Variants in PCSK6 observed in about 807,000 individuals in gnomAD.
PCSK6 encodes proprotein convertase subtilisin/kexin type 6.
In PCSK6, 85 loss-of-function variants were observed where a neutral mutation model predicts 123.3. The ratio of observed to expected loss-of-function variants is 0.69; its 90% CI spans 0.58 to 0.83. PCSK6 has a LOEUF of 0.83. Among genes scored for constraint, PCSK6 ranks in the 40% least tolerant of loss-of-function variants. PCSK6 has a pLI of 0.00. For missense variants in PCSK6, 1,191 were observed against 1,282.3 expected, an observed-to-expected ratio of 0.93 and a Z score of 1.09; for synonymous variants, 508 against 516.0, an observed-to-expected ratio of 0.98 and a Z score of 0.21.
At chr15:101,397,087 G>C (rs1424130375) in intron 7 of PCSK6, among the ~76,000 whole-genome samples, 2 of 152,112 alleles carry the variant, frequency 1.3e-5, no homozygotes, top group African/African-American at 4.8e-5. Flanking sequence ...ATGCAGTGTA[G>C]GCCTGACGCC....
chr15:101,313,088 G>T, intron 20 of PCSK6: 1 of 1,351,028 alleles, frequency 7.4e-7, no homozygotes, highest in Non-Finnish European at 9.7e-7. Flanking sequence ...GACATGGGCA[G>T]GGACGTCCCG....
At chr15:101,440,420 G>C (rs1361355306) in intron 2 of PCSK6, among the ~76,000 whole-genome samples, 3 of 151,690 alleles carry the variant, frequency 2.0e-5, no homozygotes, top group African/African-American at 7.3e-5. Flanking sequence ...GAGTCCTGCT[G>C]CTGACACCCC....
At chr15:101,480,508 A>T (rs1164320875) in intron 1 of PCSK6, among the ~76,000 whole-genome samples, 1 of 152,230 alleles carries the variant, frequency 6.6e-6, no homozygotes, top group Non-Finnish European at 1.5e-5. Context: ...CATCCCATGG[A>T]GCGTGAGGCT....
intron 13 of PCSK6, among the ~76,000 whole-genome samples, chr15:101,353,714 G>A (rs2040961250): frequency 6.6e-6 from 1 of 152,184 alleles, no homozygotes; most frequent in South Asian, 2.1e-4. Flanking sequence ...ACTGGCCACA[G>A]GGCTAAAGAG....
chr15:101,446,648 G>A (rs1339855936), intron 1 of PCSK6, among the ~76,000 whole-genome samples: 2 of 152,198 alleles, frequency 1.3e-5, no homozygotes, highest in Admixed American at 6.5e-5. Context: ...GAGTTCATAT[G>A]TGAACTCTGA....
intron 9 of PCSK6, among the ~76,000 whole-genome samples, chr15:101,386,591 G>C (rs909666005): frequency 6.6e-6 from 1 of 152,156 alleles, no homozygotes; most frequent in African/African-American, 2.4e-5. Flanking sequence ...AGGTCTTCGT[G>C]TAAGTGGAAC....
chr15:101,325,741 G>A (rs2040238155), intron 16 of PCSK6, among the ~76,000 whole-genome samples: 1 of 152,244 alleles, frequency 6.6e-6, no homozygotes, highest in Admixed American at 6.5e-5. Flanking sequence ...AGCTGGAGCA[G>A]CTCCGTGGAC....
intron 1 of PCSK6, among the ~76,000 whole-genome samples, chr15:101,480,232 C>T (rs147405632): frequency 3.6e-4 from 55 of 152,306 alleles, no homozygotes; most frequent in Non-Finnish European, 5.9e-4. Context: ...GGATGCTGGC[C>T]GGTGGCAGAA....
intron 6 of PCSK6, among the ~76,000 whole-genome samples, chr15:101,417,238 G>A (rs1250618181): frequency 6.6e-6 from 1 of 152,164 alleles, no homozygotes; most frequent in Non-Finnish European, 1.5e-5. Flanking sequence ...CTCCCACCAT[G>A]ATTCTGACGC....
chr15:101,406,995 G>T (rs890892189), intron 6 of PCSK6, among the ~76,000 whole-genome samples: 6 of 152,142 alleles, frequency 3.9e-5, no homozygotes, highest in African/African-American at 1.4e-4. Flanking sequence ...TGGTCCATGT[G>T]TCTGGCGTCC....
chr15:101,433,811 A>G (rs545292007), intron 2 of PCSK6, among the ~76,000 whole-genome samples: 1 of 152,376 alleles, frequency 6.6e-6, no homozygotes, highest in African/African-American at 2.4e-5. Flanking sequence ...GAGCACCTGC[A>G]TACACAGCTC....
rs7171543 is a variant in PCSK6, at chr15:101,342,060, G to A, written c.1859-10029C>T. On this transcript the variant is annotated intron_variant, in intron 13 of 21. Transcript: ENST00000611716. ...CAGGAGAATTGCTTGAACCTGGGAG[G>A]TGGAGGTTGCAGTGAGCTGACATTG... 7.3e-3 allele frequency among the ~76,000 whole-genome samples: 1,083 copies of A among 149,242 alleles called. 15 individuals are homozygous for A. The highest frequency in any genetic ancestry group is 0.025 in the African/African-American group (1,020 of 40,368).
Position 101,393,295 on chromosome 15 carries a change from C to G in PCSK6, c.1126G>C (p.Gly376Arg), listed in dbSNP as rs2042288381. The G allele has an allele frequency of 1.2e-6, 2 of 1,612,730 alleles. No individual in the cohort carries two copies. Among genetic ancestry groups the G allele is most frequent in the Admixed American group, 1.7e-5 (1 of 59,748 alleles). The change falls in exon 8 of 22, where the codon GGC (glycine) becomes CGC (arginine). Residue 376 changes from glycine (G) to arginine (R), a missense_variant. By Grantham distance (125) the Gly-to-Arg change is moderately radical. This residue lies in a region of PCSK6 where 357 missense variants were observed against 484.5 expected (regional missense o/e 0.74). Transcript: ENST00000611716. Reference sequence around the variant, plus strand: ...TCTTCCAGGTACCAGGGCTTGTAGCCATTCTCGGTGGCGCTGCTGACGGAG... The same window carrying G: ...TCTTCCAGGTACCAGGGCTTGTAGCGATTCTCGGTGGCGCTGCTGACGGAG... The part of the protein sequence containing the change: ...TISVSSATEN[G>R]YKPWYLEECA...
rs142015000 is a variant in PCSK6, at chr15:101,414,812, C to T, written c.823+13080G>A. ...AAAACAAATACAATAGAAATAAATC[C>T]AAAGATATCTGAAATCAGCACATGT... is the stretch of plus-strand genomic sequence containing the variant. On this transcript the variant is annotated intron_variant, in intron 6 of 21. Transcript: ENST00000611716. Among the ~76,000 whole-genome samples, 49 of 152,174 alleles carry T rather than the reference C, an allele frequency of 3.2e-4. 1 individual carries two copies. The East Asian group carries it at 8.5e-3, about 26-fold the overall frequency.
intron 20 of PCSK6, chr15:101,313,102 A>G: frequency 1.4e-6 from 2 of 1,392,690 alleles, no homozygotes; most frequent in Non-Finnish European, 1.9e-6. Context: ...CGTCCCGCGT[A>G]GTCCACCAAT....
chr15:101,357,114 AG>A (rs1158390273), intron 13 of PCSK6, among the ~76,000 whole-genome samples: 2 of 152,192 alleles, frequency 1.3e-5, no homozygotes, highest in African/African-American at 4.8e-5. Context: ...AGAGATTTGC[AG>A]GAGATTGAAA....
chr15:101,436,021 C>A (rs1248590129), intron 2 of PCSK6, among the ~76,000 whole-genome samples: 4 of 152,144 alleles, frequency 2.6e-5, no homozygotes, highest in Non-Finnish European at 5.9e-5. Context: ...GTGTGACAAG[C>A]GACAGGGGAG....
At chr15:101,438,140 T>A (rs2056654898) in intron 2 of PCSK6, among the ~76,000 whole-genome samples, 2 of 152,174 alleles carry the variant, frequency 1.3e-5, no homozygotes. Context: ...GGTTCTGCGG[T>A]TGAAGTCCCC....
intron 1 of PCSK6, among the ~76,000 whole-genome samples, chr15:101,454,004 C>A (rs1430132659): frequency 6.6e-6 from 1 of 152,222 alleles, no homozygotes; most frequent in East Asian, 1.9e-4. Context: ...TCAGGGGGAG[C>A]CCGTCTGGCT....
Sources: gnomAD v4.1 joint callset for allele counts (sites outside exome capture counted in the v4.1 genomes callset) on GRCh38, gnomAD v4.1.1 for gene constraint, gnomAD v4.1.1 regional missense constraint, MANE v1.5 for transcripts, NCBI Gene and HGNC (gene_info 2026-07-23, HGNC 2026-07-21) for gene names.